Variants in PRKACB observed in about 807,000 individuals in gnomAD.
The protein encoded by PRKACB is protein kinase cAMP-activated catalytic subunit beta, also known as cAMP-dependent protein kinase catalytic subunit beta.
In PRKACB, 16 loss-of-function variants were observed where a neutral mutation model predicts 51.4. That is an observed-to-expected ratio of 0.31 (90% CI 0.21 to 0.47). PRKACB has a LOEUF of 0.47. Ranked by LOEUF, PRKACB falls within the 20% of genes least tolerant of loss-of-function variation. The pLI is 1.00. For missense variants in PRKACB, 309 were observed against 464.5 expected (o/e 0.67, Z 3.08); for synonymous variants, 147 against 154.4 (o/e 0.95, Z 0.35).
intron 8 of PRKACB, among the ~76,000 whole-genome samples, chr1:84,205,807 T>TA (rs1671248850): frequency 6.6e-6 from 1 of 152,068 alleles, no homozygotes; most frequent in African/African-American, 2.4e-5. Flanking sequence ...ATTTTGCCTT[T>TA]AAAAAAACAG....
At chr1:84,156,911 C>T (rs1485621053) in intron 1 of PRKACB, among the ~76,000 whole-genome samples, 1 of 152,144 alleles carries the variant, frequency 6.6e-6, no homozygotes, top group Non-Finnish European at 1.5e-5. Context: ...TTCACTATTT[C>T]TGTTGCTTTA....
At chr1:84,223,360 G>GT (rs201399102) in intron 9 of PRKACB, among the ~76,000 whole-genome samples, 27,035 of 63,922 alleles carry the variant, frequency 0.42, 2,824 homozygotes, top group South Asian at 0.53. Flanking sequence ...CTGTTTGGTT[G>GT]TTTTTTTTTG....
chr1:84,095,257 T>TC (rs970668485), intron 1 of PRKACB, among the ~76,000 whole-genome samples: 2 of 151,512 alleles, frequency 1.3e-5, no homozygotes, highest in Non-Finnish European at 3.0e-5. Context: ...GTTTTTTTTT[T>TC]TTTTGCGCTT....
intron 1 of PRKACB, among the ~76,000 whole-genome samples, chr1:84,119,342 T>C (rs1178042127): frequency 1.3e-5 from 2 of 152,112 alleles, no homozygotes; most frequent in Non-Finnish European, 2.9e-5. Flanking sequence ...TTTTATAGCT[T>C]TCCAACCTGT....
At chr1:84,176,638 A>G (rs984726090) in intron 1 of PRKACB, among the ~76,000 whole-genome samples, 5 of 151,814 alleles carry the variant, frequency 3.3e-5, no homozygotes, top group Admixed American at 6.6e-5. Flanking sequence ...TTTTCCTCAT[A>G]GAACTATTTA....
intron 1 of PRKACB, among the ~76,000 whole-genome samples, chr1:84,166,624 A>T (rs1205517968): frequency 6.6e-6 from 1 of 151,634 alleles, no homozygotes; most frequent in East Asian, 1.9e-4. Context: ...TCATGTCATA[A>T]ATGGTTAAGT....
chr1:84,099,488 A>G (rs1316899543), intron 1 of PRKACB, among the ~76,000 whole-genome samples: 1 of 152,114 alleles, frequency 6.6e-6, no homozygotes, highest in Non-Finnish European at 1.5e-5. Flanking sequence ...CTGTGGAAAT[A>G]TAGCTTTTAT....
chr1:84,200,429 G>A (rs4907195), intron 7 of PRKACB, among the ~76,000 whole-genome samples: 19,650 of 152,084 alleles, frequency 0.13, 1,644 homozygotes, highest in Non-Finnish European at 0.19. Flanking sequence ...CTCCCATTCT[G>A]TAGGTTGTCT....
At chr1:84,138,449 AACT>A (rs2100578947) in intron 1 of PRKACB, among the ~76,000 whole-genome samples, 1 of 152,336 alleles carries the variant, frequency 6.6e-6, no homozygotes, top group South Asian at 2.1e-4. Context: ...GAAAGATGCA[AACT>A]ACTAATATTC....
At chr1:84,213,098 GT>G (rs1422663688) in intron 8 of PRKACB, among the ~76,000 whole-genome samples, 1 of 152,064 alleles carries the variant, frequency 6.6e-6, no homozygotes, top group Non-Finnish European at 1.5e-5. Flanking sequence ...CCTTTAAAGT[GT>G]TTTCTACAAA....
intron 1 of PRKACB, among the ~76,000 whole-genome samples, chr1:84,138,595 T>C (rs1440235604): frequency 6.6e-6 from 1 of 152,188 alleles, no homozygotes; most frequent in Non-Finnish European, 1.5e-5. Flanking sequence ...TGGGAAATTC[T>C]ACAAAACATT....
At position 84,179,201 on chromosome 1, in the gene PRKACB, A is replaced by C. The variant is rs377601225; in HGVS notation, c.212A>C (p.Lys71Thr). 3.2e-6 allele frequency: 5 copies of C among 1,586,770 alleles called. No individual in the cohort carries two copies. Among genetic ancestry groups the C allele is most frequent in the Non-Finnish European group, 4.3e-6 (5 of 1,165,988 alleles). ...GTGAAAGAGTTTCTAGCCAAAGCCAAAGAAGACTTTTTGAAAAAATGGGAG... is the reference window on the plus strand; with the variant it reads ...GTGAAAGAGTTTCTAGCCAAAGCCACAGAAGACTTTTTGAAAAAATGGGAG... Reference protein sequence around the residue: ...RSMKEFLAKAKEDFLKKWENP... With the variant: ...RSMKEFLAKATEDFLKKWENP... Residue 71 changes from lysine to threonine, a missense_variant, in exon 2 of 10, where the codon AAA becomes ACA. Lys to Thr is a moderately conservative substitution (Grantham distance 78, BLOSUM62 -1). Transcript: ENST00000370685.
At chr1:84,123,786 A>G (rs1481747633) in intron 1 of PRKACB, among the ~76,000 whole-genome samples, 1 of 152,200 alleles carries the variant, frequency 6.6e-6, no homozygotes, top group African/African-American at 2.4e-5. Flanking sequence ...TTAGAATGAT[A>G]TCTGACATAT....
At chr1:84,200,468 G>T (rs2101363719) in intron 7 of PRKACB, among the ~76,000 whole-genome samples, 1 of 152,228 alleles carries the variant, frequency 6.6e-6, no homozygotes, top group South Asian at 2.1e-4. Flanking sequence ...CTTTTGCTGT[G>T]CAGAATCTCT....
rs1270362494 is a variant in PRKACB, at chr1:84,197,832, C to A, written c.783+8C>A. 7.6e-6 allele frequency: 12 copies of A among 1,568,886 alleles called. No homozygotes were observed. ...GAAATAATTCTCAGCAAGGTATATT[C>A]ATAATATCAACACATAAGAAGTAGA... is the stretch of plus-strand genomic sequence containing the variant. On this transcript the variant is annotated splice_region_variant and intron_variant, in intron 7 of 9. Transcript: ENST00000370685.
At chr1:84,149,259 A>G (rs1333787207) in intron 1 of PRKACB, among the ~76,000 whole-genome samples, 1 of 151,944 alleles carries the variant, frequency 6.6e-6, no homozygotes, top group African/African-American at 2.4e-5. Flanking sequence ...AATTTCTACC[A>G]GCTCCAATTT....
chr1:84,168,711 G>A (rs539368822), intron 1 of PRKACB, among the ~76,000 whole-genome samples: 1 of 151,468 alleles, frequency 6.6e-6, no homozygotes, highest in Non-Finnish European at 1.5e-5. Context: ...TTTTCTTTAT[G>A]GAAAAGAAAG....
chr1:84,191,778 T>C (rs1171067873), intron 5 of PRKACB, among the ~76,000 whole-genome samples: 2 of 152,040 alleles, frequency 1.3e-5, no homozygotes, highest in Non-Finnish European at 2.9e-5. Context: ...AACCTCAGGA[T>C]CATCCAATAT....
At chr1:84,202,905 G>A in intron 8 of PRKACB, 100 bp downstream of exon 8, 1 of 1,046,492 alleles carries the variant, frequency 9.6e-7, no homozygotes, top group Admixed American at 3.4e-5. Flanking sequence ...TTCTACATTG[G>A]GAAAAATATA....
Sources: gnomAD v4.1 joint callset for allele counts (sites outside exome capture counted in the v4.1 genomes callset) on GRCh38, gnomAD v4.1.1 for gene constraint, MANE v1.5 for transcripts, NCBI Gene and HGNC (gene_info 2026-07-23, HGNC 2026-07-21) for gene names.